KIF13B: variants seen among roughly 807,000 people sequenced by gnomAD.
KIF13B encodes kinesin family member 13B.
Under a neutral mutation model 222.0 loss-of-function variants are expected in KIF13B, and 127 were observed. That is an observed-to-expected ratio of 0.57 (90% CI 0.50 to 0.66). The LOEUF (loss-of-function observed/expected upper bound fraction) is 0.66. Ranked by LOEUF, KIF13B falls within the 30% of genes least tolerant of loss-of-function variation. KIF13B has a pLI of 0.00. For missense variants in KIF13B, 2,173 were observed against 2,379.0 expected, an observed-to-expected ratio of 0.91 and a Z score of 1.80; for synonymous variants, 976 against 919.0, an observed-to-expected ratio of 1.06 and a Z score of -1.12.
At chr8:29,083,912 T>C (rs1807923126) in intron 37 of KIF13B, among the ~76,000 whole-genome samples, 1 of 151,928 alleles carries the variant, frequency 6.6e-6, no homozygotes, top group Non-Finnish European at 1.5e-5. Flanking sequence ...CCTAGATGTG[T>C]TTTTTGTTTG....
At chr8:29,225,145 C>T (rs1286970970) in intron 2 of KIF13B, among the ~76,000 whole-genome samples, 2 of 152,124 alleles carry the variant, frequency 1.3e-5, no homozygotes, top group Admixed American at 6.5e-5. Flanking sequence ...GGAGTTGAAG[C>T]TGTTTCAGAT....
chr8:29,131,756 A>G (rs1429233967), intron 23 of KIF13B, among the ~76,000 whole-genome samples: 1 of 152,164 alleles, frequency 6.6e-6, no homozygotes, highest in Non-Finnish European at 1.5e-5. Flanking sequence ...TCCAAAATTC[A>G]TTTCACTGTT....
chr8:29,252,507 G>A (rs1182148078), intron 1 of KIF13B, among the ~76,000 whole-genome samples: 1 of 152,118 alleles, frequency 6.6e-6, no homozygotes, highest in Non-Finnish European at 1.5e-5. Context: ...TTATCTACCA[G>A]TCATGTTCCT....
chr8:29,076,464 C>T (rs557501941), intron 37 of KIF13B, among the ~76,000 whole-genome samples: 22 of 152,354 alleles, frequency 1.4e-4, no homozygotes, highest in African/African-American at 2.4e-4. Context: ...GGCTCTTGTG[C>T]GTCTGGGCAC....
At chr8:29,159,913 C>A (rs1811699345) in intron 13 of KIF13B, among the ~76,000 whole-genome samples, 1 of 152,244 alleles carries the variant, frequency 6.6e-6, no homozygotes, top group African/African-American at 2.4e-5. Flanking sequence ...CTGTTTCCCA[C>A]ATAGTCAGCC....
At chr8:29,091,641 A>T (rs1211068774) in intron 37 of KIF13B, among the ~76,000 whole-genome samples, 1 of 152,258 alleles carries the variant, frequency 6.6e-6, no homozygotes, top group African/African-American at 2.4e-5. Context: ...TTAGAACTGA[A>T]TAACGTACAA....
At chr8:29,228,401 A>G (rs1320191426) in intron 2 of KIF13B, among the ~76,000 whole-genome samples, 5 of 149,984 alleles carry the variant, frequency 3.3e-5, no homozygotes, top group African/African-American at 1.2e-4. Context: ...CAGGATGCGG[A>G]GCTTCCAGTG....
rs185340146 is a variant in KIF13B, at chr8:29,144,217, T to A, written c.2188-1914A>T. 1.3e-3 allele frequency among the ~76,000 whole-genome samples: 194 copies of A among 152,204 alleles called. 2 individuals carry two copies. The highest frequency in any genetic ancestry group is 4.5e-3 in the African/African-American group (185 of 41,556). Reference sequence around the variant, plus strand: ...TCATTTTCTAAGAAAAAAATTTAAATAATAAAACAAACATTTGAGAATTCT... The same window carrying A: ...TCATTTTCTAAGAAAAAAATTTAAAAAATAAAACAAACATTTGAGAATTCT... On this transcript the variant is annotated intron_variant, in intron 18 of 39. Coordinates refer to ENST00000524189, the MANE Select transcript of KIF13B (RefSeq NM_015254.4).
chr8:29,112,632 C>T (rs1285713767), intron 32 of KIF13B, among the ~76,000 whole-genome samples: 1 of 152,212 alleles, frequency 6.6e-6, no homozygotes, highest in East Asian at 1.9e-4. Context: ...GTGAAATCTC[C>T]ACCCCCTTGC....
Position 29,134,118 on chromosome 8 carries a change from A to C in KIF13B, c.2706T>G (p.Ile902Met). 2 of 1,613,950 alleles carry C rather than the reference A, an allele frequency of 1.2e-6. No homozygotes were observed. Among genetic ancestry groups the C allele is most frequent in the African/African-American group, 2.7e-5 (2 of 75,056 alleles). The change falls in exon 22 of 40, where the codon ATT becomes ATG. Residue 902 changes from isoleucine (I) to methionine (M), a missense_variant. Transcript: ENST00000524189. ...AGGAGGTGTCCACTTCAGGAGCGAC[A>C]ATCACCGGCTCCTGTTGATCCCAGA... ...YSFWDQQEPVIVAPEVDTSSS... is the reference protein window; with the variant it reads ...YSFWDQQEPVMVAPEVDTSSS...
upstream of KIF13B, chr8:29,263,274 G>A (rs1187482108): frequency 3.7e-6 from 2 of 535,106 alleles, no homozygotes; most frequent in African/African-American, 4.1e-5. Context: ...CGAGTCGTTT[G>A]CTACAACTTA....
chr8:29,123,902 G>T, intron 27 of KIF13B, 122 bp downstream of exon 27: 1 of 654,028 alleles, frequency 1.5e-6, no homozygotes, highest in Non-Finnish European at 2.7e-6. Context: ...ACACTCATCT[G>T]CTCCTGCCAT....
At chr8:29,156,291 A>C (rs1300174547) in intron 13 of KIF13B, among the ~76,000 whole-genome samples, 1 of 152,118 alleles carries the variant, frequency 6.6e-6, no homozygotes, top group Non-Finnish European at 1.5e-5. Flanking sequence ...TTTAAAAGCA[A>C]ATGAAGCCAG....
Position 29,148,737 on chromosome 8 carries a change from T to C in KIF13B, c.1653A>G (p.Ala551=), listed in dbSNP as rs867086795. ...GATCCTGGTCCTCATCCTCTCGTTCTGCTTTCTTTTTCTTTTTAGGCAAAT... is the reference window on the plus strand; with the variant it reads ...GATCCTGGTCCTCATCCTCTCGTTCCGCTTTCTTTTTCTTTTTAGGCAAAT... ...RLNLPKKKKK[A]EREDEDQDPS... Residue 551 remains alanine, a synonymous_variant, in exon 16 of 40, where the codon GCA becomes GCG. Coordinates refer to ENST00000524189, the MANE Select transcript of KIF13B (RefSeq NM_015254.4). The C allele has an allele frequency of 2.5e-6, 4 of 1,599,436 alleles. No individual in the cohort carries two copies. The highest frequency in any genetic ancestry group is 2.7e-5 in the African/African-American group (2 of 74,444).
intron 11 of KIF13B, 145 bp downstream of exon 11, chr8:29,167,228 T>A: frequency 1.6e-6 from 1 of 620,842 alleles, no homozygotes; most frequent in South Asian, 2.0e-5. Context: ...CTTTATTTAT[T>A]ACTCATCCCA....
chr8:29,138,599 C>T (rs1462945847), intron 21 of KIF13B: 3 of 152,186 alleles, frequency 2.0e-5, no homozygotes, highest in Non-Finnish European at 2.9e-5. Flanking sequence ...TGGAAGAACG[C>T]AGGCCACCAC....
chr8:29,255,705 C>T (rs971514524), intron 1 of KIF13B, among the ~76,000 whole-genome samples: 2 of 152,170 alleles, frequency 1.3e-5, no homozygotes, highest in African/African-American at 2.4e-5. Context: ...CAGCCCACTG[C>T]CAATGCCCAA....
chr8:29,148,503 G>A (rs901116305), intron 16 of KIF13B, 74 bp downstream of exon 16: 6 of 1,136,430 alleles, frequency 5.3e-6, no homozygotes, highest in Admixed American at 2.7e-5. Context: ...TGGAACTCCT[G>A]GGCTCAAGCG....
intron 37 of KIF13B, among the ~76,000 whole-genome samples, chr8:29,080,125 T>G (rs756013029): frequency 6.6e-6 from 1 of 152,104 alleles, no homozygotes; most frequent in African/African-American, 2.4e-5. Context: ...GAAGATCACT[T>G]GAGCCTAGGA....
Sources: gnomAD v4.1 joint callset for allele counts (sites outside exome capture counted in the v4.1 genomes callset) on GRCh38, gnomAD v4.1.1 for gene constraint, MANE v1.5 for transcripts, NCBI Gene and HGNC (gene_info 2026-07-23, HGNC 2026-07-21) for gene names.